TMEM161B: variants seen among roughly 807,000 people sequenced by gnomAD.
TMEM161B encodes the protein transmembrane protein 161B.
TMEM161B carries 34 observed loss-of-function variants against 61.8 expected under a neutral mutation model. The observed-to-expected ratio is 0.55, with a 90% CI of 0.42 to 0.73. The LOEUF (loss-of-function observed/expected upper bound fraction) is 0.73, where lower values mean the gene tolerates loss of function less well. Ranked by LOEUF, TMEM161B falls within the 30% of genes least tolerant of loss-of-function variation. The pLI is 0.00. For missense variants in TMEM161B, 456 were observed against 558.5 expected (o/e 0.82, Z 1.85); for synonymous variants, 167 against 192.8 (o/e 0.87, Z 1.11).
At chr5:88,256,459 G>C (rs1437350753) in intron 1 of TMEM161B, among the ~76,000 whole-genome samples, 4 of 152,156 alleles carry the variant, frequency 2.6e-5, no homozygotes, top group Non-Finnish European at 4.4e-5. Flanking sequence ...TGTATTCAAA[G>C]AAGTCATTAG....
At chr5:88,221,794 A>G (rs754574500) in intron 4 of TMEM161B, 1 of 455,790 alleles carries the variant, frequency 2.2e-6, no homozygotes, top group Non-Finnish European at 4.4e-6. Context: ...GTACATAACC[A>G]TCAATTCAGA....
intron 3 of TMEM161B, among the ~76,000 whole-genome samples, chr5:88,226,391 GTGTATC>G (rs1414805772): frequency 6.6e-6 from 1 of 152,166 alleles, no homozygotes; most frequent in Non-Finnish European, 1.5e-5. Context: ...AATTCTTCCG[GTGTATC>G]TGTATGATTC....
intron 2 of TMEM161B, among the ~76,000 whole-genome samples, chr5:88,235,487 AG>A (rs1469231767): frequency 6.6e-6 from 1 of 152,218 alleles, no homozygotes; most frequent in African/African-American, 2.4e-5. Context: ...AGTTCGTGAG[AG>A]TGGAGCCCTC....
chr5:88,199,795 C>G (rs139809433), intron 9 of TMEM161B: 1 of 152,062 alleles, frequency 6.6e-6, no homozygotes, highest in Non-Finnish European at 1.5e-5. Context: ...CTGATGAGGG[C>G]TGCTTAAAGA....
chr5:88,235,860 T>C (rs1193786419), intron 2 of TMEM161B, among the ~76,000 whole-genome samples: 1 of 152,174 alleles, frequency 6.6e-6, no homozygotes, highest in African/African-American at 2.4e-5. Context: ...GTAGCTAAAA[T>C]GCTATTTGTT....
intron 1 of TMEM161B, chr5:88,251,153 G>C (rs879420830): frequency 3.3e-5 from 5 of 151,982 alleles, no homozygotes; most frequent in African/African-American, 7.3e-5. Flanking sequence ...AAATCATAGG[G>C]GTAAAGAAAA....
chr5:88,258,372 A>T (rs950442827), intron 1 of TMEM161B, among the ~76,000 whole-genome samples: 2 of 152,184 alleles, frequency 1.3e-5, no homozygotes, highest in Non-Finnish European at 2.9e-5. Context: ...GATACAATGA[A>T]GCTTCATTGT....
intron 3 of TMEM161B, 146 bp from the exon 4 acceptor site, chr5:88,226,012 CTCAAAGG>C: frequency 1.9e-6 from 1 of 530,038 alleles, no homozygotes. Context: ...AGGTAAAGTA[CTCAAAGG>C]TAGTTTTTAA....
At chr5:88,268,555 T>C (rs1377739525) in intron 1 of TMEM161B, among the ~76,000 whole-genome samples, 166 bp downstream of exon 1, 2 of 152,176 alleles carry the variant, frequency 1.3e-5, no homozygotes, top group Admixed American at 1.3e-4. Flanking sequence ...TGCTGCTTCC[T>C]CAGGGGCTCA....
intron 4 of TMEM161B, among the ~76,000 whole-genome samples, chr5:88,223,197 T>A (rs185876736): frequency 6.6e-6 from 1 of 150,878 alleles, no homozygotes; most frequent in Non-Finnish European, 1.5e-5. Flanking sequence ...ATTCAGTGTG[T>A]AACCCTGTCC....
downstream of TMEM161B, among the ~76,000 whole-genome samples, chr5:88,193,627 G>A (rs923816279): frequency 6.6e-6 from 1 of 152,028 alleles, no homozygotes; most frequent in Non-Finnish European, 1.5e-5. Context: ...AGAACTTTAG[G>A]AATATACATT....
Position 88,252,486 on chromosome 5 carries a change from TGTC to T in TMEM161B, c.4-11573_4-11571del, listed in dbSNP as rs1294269349. 3.3e-5 allele frequency among the ~76,000 whole-genome samples: 5 copies of T among 152,026 alleles called. No homozygotes were observed. In the South Asian group the frequency reaches 1.0e-3, roughly 32 times the overall value. ...AGATAAAAACTAAGAATAAGATAAA[TGTC>T]GTTGAAACAAAAGGAAAGAACAAAA... On this transcript the variant is annotated intron_variant, in intron 1 of 11. Coordinates refer to ENST00000296595, the MANE Select transcript of TMEM161B (RefSeq NM_153354.5).
chr5:88,236,453 T>C (rs1751870126), intron 2 of TMEM161B, among the ~76,000 whole-genome samples: 2 of 152,056 alleles, frequency 1.3e-5, no homozygotes, highest in South Asian at 2.1e-4. Context: ...CCAAGCAAAC[T>C]TCAAAACAAA....
At chr5:88,263,873 T>G (rs1355775202) in intron 1 of TMEM161B, among the ~76,000 whole-genome samples, 1 of 152,194 alleles carries the variant, frequency 6.6e-6, no homozygotes, top group Non-Finnish European at 1.5e-5. Flanking sequence ...CAATTAGGCC[T>G]CTGTAGTAAG....
intron 2 of TMEM161B, among the ~76,000 whole-genome samples, chr5:88,231,197 G>C (rs1033458876): frequency 6.6e-6 from 1 of 152,132 alleles, no homozygotes; most frequent in African/African-American, 2.4e-5. Flanking sequence ...AATAGATAAA[G>C]CAGTTTCCTA....
At chr5:88,189,336 G>A, downstream of TMEM161B, among the ~76,000 whole-genome samples, 1 of 152,076 alleles carries the variant, frequency 6.6e-6, no homozygotes, top group East Asian at 1.9e-4. Flanking sequence ...GCTATGCGTG[G>A]ACCAGTCAGC....
intron 4 of TMEM161B, among the ~76,000 whole-genome samples, chr5:88,225,157 C>T (rs1456653177): frequency 6.6e-6 from 1 of 151,674 alleles, no homozygotes; most frequent in Non-Finnish European, 1.5e-5. Context: ...TTAGTAGAGA[C>T]GGGGTTTCAC....
At chr5:88,265,112 A>C (rs1756208792) in intron 1 of TMEM161B, among the ~76,000 whole-genome samples, 1 of 152,232 alleles carries the variant, frequency 6.6e-6, no homozygotes, top group Non-Finnish European at 1.5e-5. Flanking sequence ...TTGAAAAAAA[A>C]TTTAAAAATA....
intron 9 of TMEM161B, chr5:88,201,088 C>G (rs1052336602): frequency 6.6e-6 from 1 of 151,696 alleles, no homozygotes; most frequent in Non-Finnish European, 1.5e-5. Flanking sequence ...AACTTAACCA[C>G]GAATTCAAAT....
Sources: allele counts gnomAD v4.1 joint callset (sites outside exome capture counted in the v4.1 genomes callset), GRCh38; gene constraint gnomAD v4.1.1; transcripts MANE v1.5; gene names NCBI Gene and HGNC (gene_info 2026-07-23, HGNC 2026-07-21).